KLRK1: variants seen among roughly 807,000 people sequenced by gnomAD.
KLRK1 encodes killer cell lectin like receptor K1.
A neutral mutation model predicts 31.3 loss-of-function variants in KLRK1; 40 were observed. The ratio of observed to expected loss-of-function variants is 1.28; its 90% confidence interval spans 0.99 to 1.67. The LOEUF (loss-of-function observed/expected upper bound fraction) is 1.67. KLRK1 is among the 40% of genes most tolerant of loss of function. The pLI, the probability that KLRK1 is intolerant of heterozygous loss-of-function variation, is 0.00. For missense variants in KLRK1, 251 were observed against 260.0 expected (o/e 0.97, Z 0.24); for synonymous variants, 77 against 77.3 (o/e 1.00, Z 0.02).
chr12:10,373,798 A>G (rs193214576), intron 7 of KLRK1, among the ~76,000 whole-genome samples: 7 of 152,300 alleles, frequency 4.6e-5, no homozygotes, highest in Admixed American at 3.3e-4. Flanking sequence ...TTGGAGTTAT[A>G]TGATTAATAA....
Position 10,372,986 on chromosome 12 carries a change from TA to T in KLRK1, c.*127del. 1.3e-6 allele frequency: 1 copy of T among 780,660 alleles called. No homozygotes were observed. 48.4% of individuals were successfully genotyped at this position (780,660 alleles called of 1,614,324 possible). On this transcript the variant is annotated 3_prime_UTR_variant, in exon 8 of 8. Transcript: ENST00000240618. ...TTCTATGGTTTGGTCCTGTGGAGTC[TA>T]AGAAATCTGACAGTCTTTGGTCATT...
intron 3 of KLRK1, among the ~76,000 whole-genome samples, chr12:10,385,093 A>C (rs1371310414): frequency 6.6e-6 from 1 of 152,044 alleles, no homozygotes; most frequent in African/African-American, 2.4e-5. Flanking sequence ...AAAATAACAA[A>C]TGACAGTGAG....
At chr12:10,377,160 A>G (rs767650046) in intron 7 of KLRK1, among the ~76,000 whole-genome samples, 3 of 152,194 alleles carry the variant, frequency 2.0e-5, no homozygotes, top group African/African-American at 7.2e-5. Flanking sequence ...GTTGACTAGG[A>G]TGTGAAGCAA....
At chr12:10,373,683 CAAGTGTGTAT>C (rs1056507966) in intron 7 of KLRK1, among the ~76,000 whole-genome samples, 40 of 90,126 alleles carry the variant, frequency 4.4e-4, no homozygotes, top group African/African-American at 1.4e-3. Context: ...CACACATTCA[CAAGTGTGTAT>C]AAGTGTGTGT....
At position 10,386,902 on chromosome 12, in the gene KLRK1, C is replaced by A. The variant is rs770843020; in HGVS notation, c.148+1G>T. The A allele has an allele frequency of 1.2e-6, 2 of 1,611,120 alleles. No individual in the cohort carries two copies. Among genetic ancestry groups the A allele is most frequent in the East Asian group, 2.2e-5 (1 of 44,640 alleles). On this transcript the variant is annotated splice_donor_variant, in intron 3 of 7. Coordinates refer to ENST00000240618, the MANE Select transcript of KLRK1 (RefSeq NM_007360.4). LOFTEE classifies it high-confidence loss of function. ...GTAGACAAATGGAACATAGGACTTA[C>A]CATTTTCTCTACATTTGCTTTTGAC...
chr12:10,373,299 AC>A, intron 7 of KLRK1, 68 bp from the exon 8 acceptor site: 1 of 1,336,502 alleles, frequency 7.5e-7, no homozygotes, highest in South Asian at 1.5e-5. Context: ...AATGAATCAT[AC>A]CTATTGAACT....
chr12:10,383,202 G>C (rs1226415574), intron 3 of KLRK1, among the ~76,000 whole-genome samples: 1 of 151,906 alleles, frequency 6.6e-6, no homozygotes, highest in Non-Finnish European at 1.5e-5. Flanking sequence ...AAAAGACATA[G>C]AGTGACTGAA....
Position 10,378,229 on chromosome 12 carries a change from G to A in KLRK1, c.436C>T (p.Leu146Phe). 2.5e-6 allele frequency: 4 copies of A among 1,611,388 alleles called. No homozygotes were observed. Among genetic ancestry groups the A allele is most frequent in the Non-Finnish European group, 3.4e-6 (4 of 1,179,374 alleles). Residue 146 changes from leucine to phenylalanine, a missense_variant, in exon 7 of 8, where the codon CTT becomes TTT. Leu to Phe is a conservative substitution (Grantham distance 22). Coordinates refer to ENST00000240618, the MANE Select transcript of KLRK1 (RefSeq NM_007360.4). ...KVYSKEDQDLLKLVKSYHWMG... is the reference protein window; with the variant it reads ...KVYSKEDQDLFKLVKSYHWMG... Reference sequence around the variant, plus strand: ...CAATGATATGACTTCACCAGTTTAAGTAAATCCTGTTTGAAACCACAAATA... The same window carrying A: ...CAATGATATGACTTCACCAGTTTAAATAAATCCTGTTTGAAACCACAAATA...
At position 10,389,918 on chromosome 12, in the gene KLRK1, CACACACAT is replaced by C. The variant is rs911213886; in HGVS notation, c.-66+17_-66+24del. The C allele has an allele frequency of 1.2e-4, 18 of 152,136 alleles. No individual in the cohort carries two copies. The highest frequency in any genetic ancestry group is 1.3e-4 in the Admixed American group (2 of 15,278). 9.4% of individuals were successfully genotyped at this position (152,136 alleles called of 1,614,324 possible). A position where few individuals can be genotyped will look rare whatever the true frequency, so the allele number is the denominator to read the frequency against. On this transcript the variant is annotated intron_variant, in intron 1 of 7. Coordinates refer to ENST00000240618, the MANE Select transcript of KLRK1 (RefSeq NM_007360.4). ...TTTCTCATATCTTGAATAATAAACACACACACATACACACATACACACACCTGCTCAGA... is the reference window on the plus strand; with the variant it reads ...TTTCTCATATCTTGAATAATAAACACACACACATACACACACCTGCTCAGA...
At chr12:10,377,851 CCTCT>C (rs1297715520) in intron 7 of KLRK1, among the ~76,000 whole-genome samples, 2 of 152,108 alleles carry the variant, frequency 1.3e-5, no homozygotes, top group Non-Finnish European at 2.9e-5. Flanking sequence ...TAATATTTAA[CCTCT>C]CTGTTTCTGT....
At chr12:10,373,321 G>T in intron 7 of KLRK1, 90 bp from the exon 8 acceptor site, 1 of 1,098,984 alleles carries the variant, frequency 9.1e-7, no homozygotes, top group South Asian at 1.7e-5. Context: ...TCAAATACAG[G>T]AACTTAATAC....
In KLRK1 at chr12:10,378,687, CATGGGCCACAGTAA is replaced by C. The variant is rs1565492084; in HGVS notation, c.282_295del (p.Ser94ArgfsTer3). The C allele has an allele frequency of 6.2e-7, 1 of 1,602,864 alleles. No homozygotes were observed. Among genetic ancestry groups the C allele is most frequent in the Non-Finnish European group, 8.5e-7 (1 of 1,177,190 alleles). On this transcript the variant is annotated frameshift_variant, in exon 6 of 8. Transcript: ENST00000240618. LOFTEE classifies it high-confidence loss of function. ...TTTGTAACATATCCAGTTTTTAGGA[CATGGGCCACAGTAA>C]CTTTCTGGAAAAGGAGAATATATTA...
At chr12:10,379,656 G>A in intron 4 of KLRK1, 44 bp downstream of exon 4, 1 of 1,533,192 alleles carries the variant, frequency 6.5e-7, no homozygotes, top group Non-Finnish European at 8.9e-7. Flanking sequence ...CATTAGCATT[G>A]TTAAATTGAC....
At chr12:10,380,726 A>G (rs1389110234) in intron 3 of KLRK1, among the ~76,000 whole-genome samples, 2 of 152,148 alleles carry the variant, frequency 1.3e-5, no homozygotes, top group Non-Finnish European at 2.9e-5. Flanking sequence ...AGAGCTCCAC[A>G]TTCCTCACGA....
At chr12:10,379,395 G>A in intron 5 of KLRK1, 52 bp downstream of exon 5, 1 of 1,121,274 alleles carries the variant, frequency 8.9e-7, no homozygotes. Flanking sequence ...ACACAATAAT[G>A]TAGGTAGATA....
intron 6 of KLRK1, 86 bp from the exon 7 acceptor site, chr12:10,378,321 C>T: frequency 1.4e-6 from 2 of 1,442,988 alleles, no homozygotes; most frequent in East Asian, 4.6e-5. Flanking sequence ...CATCTGTTCT[C>T]ACACTTGTAA....
chr12:10,382,876 T>C (rs1328538344), intron 3 of KLRK1, among the ~76,000 whole-genome samples: 1 of 152,170 alleles, frequency 6.6e-6, no homozygotes, highest in Non-Finnish European at 1.5e-5. Context: ...AGTTGTTTAG[T>C]TTTTTCTTTT....
At chr12:10,378,342 TCTGTCCACTAAC>T in intron 6 of KLRK1, 107 bp from the exon 7 acceptor site, 1 of 1,340,858 alleles carries the variant, frequency 7.5e-7, no homozygotes, top group Non-Finnish European at 1.0e-6. Context: ...AAAAATGCAT[TCTGTCCACTAAC>T]TGGCATAATT....
intron 5 of KLRK1, 79 bp from the exon 6 acceptor site, chr12:10,378,784 T>TTTTCACTCCAACTCTAAAA: frequency 6.9e-7 from 1 of 1,443,038 alleles, no homozygotes; most frequent in Non-Finnish European, 9.2e-7. Flanking sequence ...TTAAATGCCT[T>TTTTCACTCCAACTCTAAAA]TTTCACTCCA....
Sources: gnomAD v4.1 joint callset for allele counts (sites outside exome capture counted in the v4.1 genomes callset) on GRCh38, gnomAD v4.1.1 for gene constraint, MANE v1.5 for transcripts, NCBI Gene and HGNC (gene_info 2026-07-23, HGNC 2026-07-21) for gene names.